GRIA3: variants seen among roughly 807,000 people sequenced by gnomAD.
The protein encoded by GRIA3 is glutamate ionotropic receptor AMPA type subunit 3, also known as glutamate receptor 3.
In GRIA3, 3 loss-of-function variants were observed where a neutral mutation model predicts 63.0. The observed-to-expected ratio is 0.05, with a 90% CI of 0.02 to 0.12. The LOEUF is 0.12. GRIA3 is among the 10% of genes least tolerant of loss of function. The probability of loss-of-function intolerance (pLI) is 1.00; values close to 1 mark genes in which losing one functional copy is unlikely to be tolerated. For missense variants in GRIA3, 347 were observed against 700.9 expected (o/e 0.50, Z 5.70); for synonymous variants, 274 against 257.9 (o/e 1.06, Z -0.60).
chrX:123,467,177 A>T (rs1012363203), intron 13 of GRIA3, among the ~76,000 whole-genome samples: 3 of 112,334 alleles, frequency 2.7e-5, no homozygotes, highest in South Asian at 3.7e-4. Context: ...TGATTTTTTT[A>T]AAAAATACTT....
At chrX:123,247,883 G>A (rs2044368228) in intron 2 of GRIA3, among the ~76,000 whole-genome samples, 1 of 111,253 alleles carries the variant, frequency 9.0e-6, no homozygotes, top group Non-Finnish European at 1.9e-5. Context: ...GAGAGAGAGA[G>A]AGGTGAAGCT....
intron 3 of GRIA3, among the ~76,000 whole-genome samples, chrX:123,278,346 G>A (rs1319372172): frequency 2.7e-5 from 3 of 112,246 alleles, no homozygotes; most frequent in Admixed American, 9.4e-5. Context: ...TGTATAGTGT[G>A]CAAATATTTT....
chrX:123,265,073 G>A (rs1345885526), intron 3 of GRIA3, among the ~76,000 whole-genome samples: 1 of 111,558 alleles, frequency 9.0e-6, no homozygotes, highest in African/African-American at 3.3e-5. Context: ...GGAAGTTACA[G>A]GAGTTATGGA....
intron 3 of GRIA3, among the ~76,000 whole-genome samples, chrX:123,285,577 C>CAAAAAAAAAAA (rs59101106): frequency 4.0e-3 from 41 of 10,169 alleles, no homozygotes; most frequent in Non-Finnish European, 4.9e-3. Flanking sequence ...AAATGAAAAG[C>CAAAAAAAAAAA]AAAAAAAAAA....
At chrX:123,345,975 A>T (rs897492533) in intron 4 of GRIA3, among the ~76,000 whole-genome samples, 4 of 111,911 alleles carry the variant, frequency 3.6e-5, no homozygotes, top group Admixed American at 2.8e-4. Context: ...GCATTGGGCA[A>T]TCTGTTAAGA....
At chrX:123,331,283 G>T (rs1603096323) in intron 4 of GRIA3, among the ~76,000 whole-genome samples, 1 of 112,102 alleles carries the variant, frequency 8.9e-6, no homozygotes, top group East Asian at 2.8e-4. Context: ...CCTGAAGCAG[G>T]TCAATCCTTC....
chrX:123,339,921 A>G (rs1177899451), intron 4 of GRIA3, among the ~76,000 whole-genome samples: 2 of 112,536 alleles, frequency 1.8e-5, no homozygotes, highest in Non-Finnish European at 3.8e-5. Flanking sequence ...CTAACATGGT[A>G]TCTGAAATGA....
intron 3 of GRIA3, among the ~76,000 whole-genome samples, chrX:123,293,391 TAGA>T (rs1372212762): frequency 9.0e-6 from 1 of 111,106 alleles, no homozygotes; most frequent in Non-Finnish European, 1.9e-5. Flanking sequence ...TTTCATAAAG[TAGA>T]AGGTTTGAGG....
intron 2 of GRIA3, among the ~76,000 whole-genome samples, chrX:123,246,104 G>A (rs1429600476): frequency 9.0e-6 from 1 of 111,327 alleles, no homozygotes; most frequent in Non-Finnish European, 1.9e-5. Flanking sequence ...ATGGGAATTT[G>A]GACTAGATAA....
chrX:123,265,554 T>C (rs1022606976), intron 3 of GRIA3, among the ~76,000 whole-genome samples: 15 of 111,931 alleles, frequency 1.3e-4, no homozygotes, highest in African/African-American at 4.9e-4. Context: ...TTAAGTAGGC[T>C]GAAGAGGAAG....
chrX:123,273,143 G>A (rs1276446761), intron 3 of GRIA3, among the ~76,000 whole-genome samples: 1 of 111,354 alleles, frequency 9.0e-6, no homozygotes, highest in Non-Finnish European at 1.9e-5. Context: ...CTTTGCCTGG[G>A]CCCTTCGTCC....
chrX:123,274,712 C>T (rs2044544026), intron 3 of GRIA3, among the ~76,000 whole-genome samples: 1 of 112,263 alleles, frequency 8.9e-6, no homozygotes, highest in Non-Finnish European at 1.9e-5. Flanking sequence ...CGCTACCAGG[C>T]CACTGCACAG....
intron 1 of GRIA3, chrX:123,185,041 C>T (rs1488260036): frequency 3.9e-5 from 13 of 333,290 alleles, no homozygotes; most frequent in African/African-American, 1.3e-4. Context: ...GTGATGCCGA[C>T]TGTCTGGCCG....
intron 3 of GRIA3, among the ~76,000 whole-genome samples, chrX:123,301,872 G>A (rs771121920): frequency 1.8e-5 from 2 of 112,110 alleles, no homozygotes; most frequent in South Asian, 3.7e-4. Context: ...GACAATATTT[G>A]AGATAGTGTC....
At chrX:123,249,551 C>T (rs753559246) in intron 2 of GRIA3, among the ~76,000 whole-genome samples, 3 of 111,591 alleles carry the variant, frequency 2.7e-5, no homozygotes, top group Non-Finnish European at 3.8e-5. Flanking sequence ...TGGGCTAATC[C>T]TTCGCAGGCC....
At chrX:123,240,560 T>G (rs949415807) in intron 2 of GRIA3, among the ~76,000 whole-genome samples, 2 of 111,800 alleles carry the variant, frequency 1.8e-5, no homozygotes, top group African/African-American at 6.5e-5. Flanking sequence ...TAAAGTCTTC[T>G]AGCAGATATG....
At chrX:123,268,724 G>A (rs1190415583) in intron 3 of GRIA3, among the ~76,000 whole-genome samples, 1 of 111,101 alleles carries the variant, frequency 9.0e-6, no homozygotes, top group Non-Finnish European at 1.9e-5. Context: ...TGTCAAGTTG[G>A]TGAGTCTCCT....
chrX:123,370,764 G>C (rs2045241581), intron 5 of GRIA3, among the ~76,000 whole-genome samples: 1 of 102,383 alleles, frequency 9.8e-6, no homozygotes, highest in Admixed American at 1.0e-4. Context: ...GTGTGCATAT[G>C]TGTATATATA....
intron 3 of GRIA3, among the ~76,000 whole-genome samples, chrX:123,316,869 T>C (rs2147326619): frequency 8.9e-6 from 1 of 112,283 alleles, no homozygotes; most frequent in Non-Finnish European, 1.9e-5. Context: ...TTACTGTGTC[T>C]TTTCTATGAT....
Sources: gnomAD v4.1 joint callset for allele counts (sites outside exome capture counted in the v4.1 genomes callset) on GRCh38, gnomAD v4.1.1 for gene constraint, MANE v1.5 for transcripts, NCBI Gene and HGNC (gene_info 2026-07-23, HGNC 2026-07-21) for gene names.